The following ZNF385D variants were observed in gnomAD, a reference collection of about 807,000 sequenced individuals.
ZNF385D encodes zinc finger protein 659.
ZNF385D carries 15 observed loss-of-function variants against 35.8 expected under a neutral mutation model. The observed-to-expected ratio is 0.42, with a 90% CI of 0.28 to 0.64. The LOEUF (loss-of-function observed/expected upper bound fraction) is 0.64. ZNF385D is among the 30% of genes least tolerant of loss of function. ZNF385D has a pLI of 0.23. For synonymous variants in ZNF385D, 212 were observed against 186.8 expected (o/e 1.13, Z -1.10); for missense variants, 474 against 494.6 (o/e 0.96, Z 0.39).
chr3:21,731,560 A>G (rs186292897), intron 1 of ZNF385D, among the ~76,000 whole-genome samples: 73 of 152,344 alleles, frequency 4.8e-4, no homozygotes, highest in African/African-American at 1.7e-3. Flanking sequence ...TTGGTGTTGT[A>G]CATTATGTAG....
chr3:22,084,528 C>T (rs2125589355), intron 3 of ZNF385D, among the ~76,000 whole-genome samples: 1 of 152,296 alleles, frequency 6.6e-6, no homozygotes, highest in Non-Finnish European at 1.5e-5. Context: ...GAAGAGCTAA[C>T]TATCCTAAAT....
chr3:21,580,579 A>G (rs1476727804), intron 2 of ZNF385D, among the ~76,000 whole-genome samples: 3 of 152,060 alleles, frequency 2.0e-5, no homozygotes, highest in Non-Finnish European at 4.4e-5. Flanking sequence ...TCTTTGTTTC[A>G]GTCACCATTT....
Position 21,738,993 on chromosome 3 carries a change from T to C in ZNF385D, c.22+11902A>G, listed in dbSNP as rs537021463. On this transcript the variant is annotated intron_variant, in intron 1 of 7. Coordinates refer to ENST00000281523, the MANE Select transcript of ZNF385D (RefSeq NM_024697.3). ...TAGCTTCCCCACTTACCAGTGATAA[T>C]AGAAAAACAAAAGTGCACTTTGCTT... 4.6e-5 allele frequency among the ~76,000 whole-genome samples: 7 copies of C among 152,322 alleles called. No individual in the cohort carries two copies. In the South Asian group the frequency reaches 1.2e-3, roughly 27 times the overall value.
Position 21,419,181 on chromosome 3 carries a change from C to A in ZNF385D, c.*2033G>T, listed in dbSNP as rs1559429934. The A allele has an allele frequency of 6.5e-6, 1 of 153,666 alleles. No individual in the cohort carries two copies. The highest frequency in any genetic ancestry group is 1.5e-5 in the Non-Finnish European group (1 of 68,596). 9.5% of individuals were successfully genotyped at this position (153,666 alleles called of 1,614,324 possible). A position where few individuals can be genotyped will look rare whatever the true frequency, so the allele number is the denominator to read the frequency against. ...CCTTCCCCATCTCCTTTCCTTCCTTCCTTCCCTCCTTTCTTCCTTCCTTCC... is the reference window on the plus strand; with the variant it reads ...CCTTCCCCATCTCCTTTCCTTCCTTACTTCCCTCCTTTCTTCCTTCCTTCC... On this transcript the variant is annotated 3_prime_UTR_variant, in exon 8 of 8. Transcript: ENST00000281523.
chr3:21,855,073 C>T (rs995249286), intron 3 of ZNF385D, among the ~76,000 whole-genome samples: 1 of 151,856 alleles, frequency 6.6e-6, no homozygotes, highest in East Asian at 1.9e-4. Flanking sequence ...TTCTCAGTGG[C>T]TTCTCAGACT....
At chr3:21,819,005 A>T (rs2125727956) in intron 3 of ZNF385D, among the ~76,000 whole-genome samples, 1 of 152,158 alleles carries the variant, frequency 6.6e-6, no homozygotes, top group Admixed American at 6.5e-5. Context: ...AGAAAACTGC[A>T]TATAAATTAT....
chr3:22,362,527 T>G (rs1253103314), intron 2 of ZNF385D, among the ~76,000 whole-genome samples: 1 of 152,120 alleles, frequency 6.6e-6, no homozygotes, highest in East Asian at 1.9e-4. Flanking sequence ...AATTGAGATG[T>G]GTCTACTTTA....
chr3:22,167,399 G>A (rs1166461948), intron 3 of ZNF385D, among the ~76,000 whole-genome samples: 1 of 152,144 alleles, frequency 6.6e-6, no homozygotes. Flanking sequence ...ACCCAACTGT[G>A]GGGGTGGAGG....
At position 21,421,094 on chromosome 3, in the gene ZNF385D, A is replaced by G; in HGVS notation, c.*120T>C. 1 of 605,714 alleles carries G rather than the reference A, an allele frequency of 1.7e-6. No homozygotes were observed. Among genetic ancestry groups the G allele is most frequent in the Non-Finnish European group, 2.5e-6 (1 of 403,394 alleles). 37.5% of individuals were successfully genotyped at this position (605,714 alleles called of 1,614,324 possible). A position where few individuals can be genotyped will look rare whatever the true frequency, so the allele number is the denominator to read the frequency against. On this transcript the variant is annotated 3_prime_UTR_variant, in exon 8 of 8. Coordinates refer to ENST00000281523, the MANE Select transcript of ZNF385D (RefSeq NM_024697.3). ...TTATAACCTTTTCAATTCACTATCAAAAGTCCTGGCTCTTCAGATATACTT... is the reference window on the plus strand; with the variant it reads ...TTATAACCTTTTCAATTCACTATCAGAAGTCCTGGCTCTTCAGATATACTT...
At chr3:22,024,132 C>T (rs542217506) in intron 3 of ZNF385D, among the ~76,000 whole-genome samples, 20 of 152,166 alleles carry the variant, frequency 1.3e-4, no homozygotes, top group African/African-American at 4.1e-4. Flanking sequence ...AGGAGCCAGA[C>T]GGGCCTAGTC....
In ZNF385D at chr3:21,780,029, T is replaced by C. The variant is rs564119906; in HGVS notation, c.326-115001A>G. On this transcript the variant is annotated intron_variant, in intron 3 of 5. Transcript: ENST00000494108. ...AAGCAAGATGGGAACATCTATTGTGTTACATGAAAGTGACTTTCAGGATTT... is the reference window on the plus strand; with the variant it reads ...AAGCAAGATGGGAACATCTATTGTGCTACATGAAAGTGACTTTCAGGATTT... 2.1e-4 allele frequency among the ~76,000 whole-genome samples: 32 copies of C among 152,060 alleles called. 1 individual carries two copies. The highest frequency in any genetic ancestry group is 3.4e-3 in the Middle Eastern group (1 of 294).
At chr3:21,718,154 G>T (rs2068396708) in intron 1 of ZNF385D, among the ~76,000 whole-genome samples, 1 of 152,158 alleles carries the variant, frequency 6.6e-6, no homozygotes, top group Non-Finnish European at 1.5e-5. Flanking sequence ...TCCCACAAAT[G>T]AATCTACATG....
At chr3:22,301,116 T>C (rs1264539416) in intron 2 of ZNF385D, among the ~76,000 whole-genome samples, 1 of 151,978 alleles carries the variant, frequency 6.6e-6, no homozygotes, top group South Asian at 2.1e-4. Flanking sequence ...AAGAAGGAAA[T>C]CCTGTCATTT....
At chr3:22,125,302 G>C (rs770087937) in intron 3 of ZNF385D, among the ~76,000 whole-genome samples, 2 of 152,096 alleles carry the variant, frequency 1.3e-5, no homozygotes, top group African/African-American at 2.4e-5. Context: ...GTGGCATGCT[G>C]TTTGGGTTAC....
intron 3 of ZNF385D, among the ~76,000 whole-genome samples, chr3:21,806,665 A>G (rs938860629): frequency 6.6e-6 from 1 of 152,200 alleles, no homozygotes; most frequent in African/African-American, 2.4e-5. Flanking sequence ...AGTACAAGAA[A>G]ACATATGTTA....
At chr3:22,169,677 T>A (rs1243941812) in intron 2 of ZNF385D, among the ~76,000 whole-genome samples, 1 of 152,190 alleles carries the variant, frequency 6.6e-6, no homozygotes, top group Admixed American at 6.6e-5. Context: ...ACAAAAAAAG[T>A]GTGACTGAAT....
At chr3:22,078,927 G>A (rs1488504118) in intron 3 of ZNF385D, among the ~76,000 whole-genome samples, 1 of 152,004 alleles carries the variant, frequency 6.6e-6, no homozygotes, top group Non-Finnish European at 1.5e-5. Context: ...GTCAAAAAAT[G>A]TGTGGAAATT....
At chr3:21,690,295 G>A (rs1575468039) in intron 1 of ZNF385D, among the ~76,000 whole-genome samples, 2 of 151,772 alleles carry the variant, frequency 1.3e-5, no homozygotes, top group South Asian at 4.1e-4. Context: ...AAAATTCAAA[G>A]AATATTGATT....
intron 3 of ZNF385D, among the ~76,000 whole-genome samples, chr3:21,560,013 G>A (rs9810809): frequency 0.4 from 61,248 of 151,932 alleles, 12,468 homozygotes; most frequent in East Asian, 0.47. Context: ...CCATCACGTC[G>A]TTTATGTTCT....
Sources: gnomAD v4.1 joint callset for allele counts (sites outside exome capture counted in the v4.1 genomes callset) on GRCh38, gnomAD v4.1.1 for gene constraint, MANE v1.5 for transcripts, NCBI Gene and HGNC (gene_info 2026-07-23, HGNC 2026-07-21) for gene names.